The following RPAP3 variants were observed in gnomAD, a reference collection of about 807,000 sequenced individuals.
RPAP3 encodes the protein RNA polymerase II associated protein 3.
In RPAP3, 58 loss-of-function variants were observed where a neutral mutation model predicts 88.8. That is an observed-to-expected ratio of 0.65 (90% confidence interval 0.53 to 0.81). The LOEUF is 0.81. Among genes scored for constraint, RPAP3 ranks in the 40% least tolerant of loss-of-function variants. The pLI is 0.00. For synonymous variants in RPAP3, 255 were observed against 259.9 expected, an observed-to-expected ratio of 0.98 and a Z score of 0.18; for missense variants, 751 against 764.3, an observed-to-expected ratio of 0.98 and a Z score of 0.20.
rs752589235 is a variant in RPAP3 at position 47,701,467 on chromosome 12, A to G, written c.291T>C (p.Asp97=). The G allele has an allele frequency of 1.3e-5, 21 of 1,560,144 alleles. 1 individual carries two copies. The African/African-American group carries it at 2.6e-4, about 20-fold the overall frequency. Reference sequence around the variant, plus strand: ...GCAAATGACTAGATTAACTTACCACATCAAGTTTTGCCCATGCCTCATAAT... The same window carrying G: ...GCAAATGACTAGATTAACTTACCACGTCAAGTTTTGCCCATGCCTCATAAT... ...SYDYEAWAKL[D]VDRILDELDK... The change falls in exon 3 of 17, where the codon GAT becomes GAC. Residue 97 remains aspartate, a synonymous_variant. Coordinates refer to ENST00000005386, the MANE Select transcript of RPAP3 (RefSeq NM_024604.3).
At chr12:47,686,545 T>TACACACACACACACACACAC (rs59485150) in intron 9 of RPAP3, among the ~76,000 whole-genome samples, 11 of 145,444 alleles carry the variant, frequency 7.6e-5, no homozygotes, top group Admixed American at 2.0e-4. Flanking sequence ...CACATACACA[T>TACACACACACACACACACAC]ACACACACAC....
intron 4 of RPAP3, 73 bp downstream of exon 4, chr12:47,697,524 A>T: frequency 1.4e-6 from 2 of 1,414,310 alleles, no homozygotes; most frequent in Non-Finnish European, 1.9e-6. Flanking sequence ...TATGCTCAAG[A>T]AACTTTACGA....
chr12:47,698,147 G>A (rs1350435210), intron 3 of RPAP3, among the ~76,000 whole-genome samples: 1 of 151,752 alleles, frequency 6.6e-6, no homozygotes, highest in African/African-American at 2.4e-5. Flanking sequence ...ATTTTAAAAC[G>A]AACAAAAAAA....
At chr12:47,673,554 A>G (rs1939044423) in intron 12 of RPAP3, among the ~76,000 whole-genome samples, 1 of 152,108 alleles carries the variant, frequency 6.6e-6, no homozygotes, top group African/African-American at 2.4e-5. Flanking sequence ...ACATAGCAAA[A>G]CAAACTTTCC....
chr12:47,701,325 T>C, intron 3 of RPAP3, 139 bp downstream of exon 3: 1 of 544,216 alleles, frequency 1.8e-6, no homozygotes, highest in Non-Finnish European at 3.0e-6. Flanking sequence ...TCATTAAATG[T>C]TTATTCCACA....
At chr12:47,676,321 A>G (rs1016261660) in intron 12 of RPAP3, among the ~76,000 whole-genome samples, 1 of 152,226 alleles carries the variant, frequency 6.6e-6, no homozygotes, top group African/African-American at 2.4e-5. Context: ...ACACCCTAAC[A>G]TCACAATTAA....
Position 47,678,091 on chromosome 12 carries a change from A to T in RPAP3, c.1287+1402T>A, listed in dbSNP as rs938408338. Reference sequence around the variant, plus strand: ...ACAGAACAGAGGCCTCAGAAATAACACCACACATCTAAAACCATCTGATCT... The same window carrying T: ...ACAGAACAGAGGCCTCAGAAATAACTCCACACATCTAAAACCATCTGATCT... On this transcript the variant is annotated intron_variant, in intron 12 of 16. Coordinates refer to ENST00000005386, the MANE Select transcript of RPAP3 (RefSeq NM_024604.3). 1.7e-4 allele frequency among the ~76,000 whole-genome samples: 26 copies of T among 152,210 alleles called. 1 individual carries two copies. The highest frequency in any genetic ancestry group is 1.7e-3 in the Admixed American group (26 of 15,284).
chr12:47,687,034 T>A (rs1232103917), intron 8 of RPAP3, 127 bp from the exon 9 acceptor site: 1 of 602,562 alleles, frequency 1.7e-6, no homozygotes, highest in Non-Finnish European at 2.7e-6. Flanking sequence ...TTGTTAAAAA[T>A]CTGGCCCATG....
At chr12:47,682,680 TAA>T (rs547080438) in intron 9 of RPAP3, among the ~76,000 whole-genome samples, 1 of 136,106 alleles carries the variant, frequency 7.3e-6, no homozygotes. Flanking sequence ...ATAAGAATAT[TAA>T]AAAAAAAAAA....
At chr12:47,694,403 A>G (rs1442049356) in intron 5 of RPAP3, among the ~76,000 whole-genome samples, 1 of 152,242 alleles carries the variant, frequency 6.6e-6, no homozygotes, top group Non-Finnish European at 1.5e-5. Context: ...AATCTTAAAA[A>G]TGTTTAGAAG....
rs990427322 is a variant in RPAP3 at position 47,688,984 on chromosome 12, A to G, written c.738+141T>C. The stretch of plus-strand genomic sequence containing the variant: ...TACACTCCCTCTAGCATGCAAATTC[A>G]TTTAGTAAAACTCTATAGTACAAAG... On this transcript the variant is annotated intron_variant, in intron 7 of 16. Coordinates refer to ENST00000005386, the MANE Select transcript of RPAP3 (RefSeq NM_024604.3). 61 of 531,720 alleles carry G rather than the reference A, an allele frequency of 1.1e-4. 1 individual carries two copies. The highest frequency in any genetic ancestry group is 3.2e-4 in the South Asian group (13 of 41,232). 32.9% of individuals were successfully genotyped at this position (531,720 alleles called of 1,614,324 possible). A position where few individuals can be genotyped will look rare whatever the true frequency, so the allele number is the denominator to read the frequency against.
intron 9 of RPAP3, among the ~76,000 whole-genome samples, chr12:47,683,909 T>G (rs1033360601): frequency 4.6e-5 from 7 of 152,184 alleles, no homozygotes; most frequent in African/African-American, 1.7e-4. Context: ...CTGGTTCCAG[T>G]TCCAGCAACC....
chr12:47,701,913 GAAC>G (rs1423370971), intron 2 of RPAP3, among the ~76,000 whole-genome samples: 1 of 152,112 alleles, frequency 6.6e-6, no homozygotes, highest in Non-Finnish European at 1.5e-5. Flanking sequence ...TTAGTACGAT[GAAC>G]CAGCAGTAGT....
At chr12:47,698,392 C>G (rs992018895) in intron 3 of RPAP3, among the ~76,000 whole-genome samples, 1 of 151,950 alleles carries the variant, frequency 6.6e-6, no homozygotes, top group Admixed American at 6.6e-5. Flanking sequence ...ATGTGCTAGT[C>G]CCACGATTCT....
intron 7 of RPAP3, among the ~76,000 whole-genome samples, chr12:47,688,381 T>C (rs1217519427): frequency 6.6e-6 from 1 of 151,962 alleles, no homozygotes; most frequent in Non-Finnish European, 1.5e-5. Flanking sequence ...ACCTATTGGG[T>C]ACTATGCTCA....
intron 5 of RPAP3, among the ~76,000 whole-genome samples, chr12:47,691,352 G>A (rs556058258): frequency 1.3e-5 from 2 of 152,210 alleles, no homozygotes; most frequent in South Asian, 2.1e-4. Flanking sequence ...CAGCAATTCG[G>A]TGACATCTTC....
In RPAP3 at chr12:47,662,657, G is replaced by A. The variant is rs972137945; in HGVS notation, c.*848C>T. 3.3e-5 allele frequency: 5 copies of A among 152,260 alleles called. No homozygotes were observed. Among genetic ancestry groups the A allele is most frequent in the South Asian group, 2.1e-4 (1 of 4,820 alleles). The allele number at this position is 152,260 out of a possible 1,614,324, so 9.4% of individuals were successfully genotyped here. A position where few individuals can be genotyped will look rare whatever the true frequency, so the allele number is the denominator to read the frequency against. On this transcript the variant is annotated 3_prime_UTR_variant, in exon 17 of 17. Coordinates refer to ENST00000005386, the MANE Select transcript of RPAP3 (RefSeq NM_024604.3). ...AACATTTACTTAATATGATTCTTGCGTCAAATTCAATTAAATTTTATAAGT... is the reference window on the plus strand; with the variant it reads ...AACATTTACTTAATATGATTCTTGCATCAAATTCAATTAAATTTTATAAGT...
At chr12:47,688,814 G>A (rs897237481) in intron 7 of RPAP3, among the ~76,000 whole-genome samples, 1 of 152,176 alleles carries the variant, frequency 6.6e-6, no homozygotes, top group Non-Finnish European at 1.5e-5. Context: ...TTCTCTCAAT[G>A]TTTCAGTCAG....
At chr12:47,693,203 C>A (rs1025501646) in intron 5 of RPAP3, among the ~76,000 whole-genome samples, 2 of 151,964 alleles carry the variant, frequency 1.3e-5, no homozygotes, top group African/African-American at 4.8e-5. Flanking sequence ...TATTAACTGG[C>A]CTAATTTCAA....
Sources: allele counts gnomAD v4.1 joint callset (sites outside exome capture counted in the v4.1 genomes callset), GRCh38; gene constraint gnomAD v4.1.1; transcripts MANE v1.5; gene names NCBI Gene and HGNC (gene_info 2026-07-23, HGNC 2026-07-21).